PIP5K1B: variants seen among roughly 807,000 people sequenced by gnomAD.
The protein encoded by PIP5K1B is phosphatidylinositol-4-phosphate 5-kinase type 1 beta.
A neutral mutation model predicts 67.0 loss-of-function variants in PIP5K1B; 42 were observed. The ratio of observed to expected loss-of-function variants is 0.63; its 90% CI spans 0.49 to 0.81. PIP5K1B has a LOEUF of 0.81. PIP5K1B is among the 30% of genes least tolerant of loss of function. The pLI is 0.00. For synonymous variants in PIP5K1B, 214 were observed against 231.4 expected (o/e 0.92, Z 0.68); for missense variants, 459 against 646.3 (o/e 0.71, Z 3.14).
At chr9:68,925,742 A>G (rs557166049) in intron 12 of PIP5K1B, among the ~76,000 whole-genome samples, 1 of 147,224 alleles carries the variant, frequency 6.8e-6, no homozygotes, top group Non-Finnish European at 1.5e-5. Flanking sequence ...ATAGACTATA[A>G]GATAGTGTTT....
At chr9:68,993,769 G>T (rs748511844) in intron 15 of PIP5K1B, among the ~76,000 whole-genome samples, 3 of 152,156 alleles carry the variant, frequency 2.0e-5, no homozygotes, top group Admixed American at 1.3e-4. Flanking sequence ...CCACTTTCAT[G>T]TGTCTTTACA....
intron 14 of PIP5K1B, among the ~76,000 whole-genome samples, chr9:68,953,440 C>T (rs1017113873): frequency 1.3e-5 from 2 of 151,992 alleles, no homozygotes; most frequent in African/African-American, 4.8e-5. Flanking sequence ...TTGTAGTCTA[C>T]ATGTTCTATA....
At position 68,808,417 on chromosome 9, in the gene PIP5K1B, C is replaced by G. The variant is rs530631784; in HGVS notation, c.-85-10044C>G. On this transcript the variant is annotated intron_variant, in intron 2 of 15. Transcript: ENST00000265382. Reference sequence around the variant, plus strand: ...CCGACTCCCAGCTTCCCCACCACCCCGACACTATCACCAGATACACACAGA... The same window carrying G: ...CCGACTCCCAGCTTCCCCACCACCCGGACACTATCACCAGATACACACAGA... Among the ~76,000 whole-genome samples, 10 of 152,204 alleles carry G rather than the reference C, an allele frequency of 6.6e-5. No homozygotes were observed. The South Asian group carries it at 8.3e-4, about 13-fold the overall frequency.
chr9:68,850,916 T>G (rs1822453569), intron 4 of PIP5K1B, among the ~76,000 whole-genome samples: 1 of 152,218 alleles, frequency 6.6e-6, no homozygotes, highest in South Asian at 2.1e-4. Context: ...AAGTGTAATA[T>G]TTCTGAAAGA....
chr9:68,971,781 A>G (rs1455497886), intron 14 of PIP5K1B, among the ~76,000 whole-genome samples: 1 of 152,112 alleles, frequency 6.6e-6, no homozygotes, highest in Non-Finnish European at 1.5e-5. Flanking sequence ...TGGCTGCATA[A>G]ATGTCTTCTT....
chr9:68,940,966 G>GAAAA (rs1418743655), intron 14 of PIP5K1B, 176 bp downstream of exon 14: 9 of 704,050 alleles, frequency 1.3e-5, no homozygotes, highest in Non-Finnish European at 2.3e-5. Flanking sequence ...ACATTGGAGG[G>GAAAA]AAAACCCTCA....
intron 2 of PIP5K1B, among the ~76,000 whole-genome samples, chr9:68,770,691 A>C (rs1483465040): frequency 6.6e-6 from 1 of 152,196 alleles, no homozygotes; most frequent in African/African-American, 2.4e-5. Flanking sequence ...TGAGGGATCT[A>C]GGTTGCTCAC....
At chr9:68,712,770 C>T (rs1404469462) in intron 1 of PIP5K1B, among the ~76,000 whole-genome samples, 1 of 152,164 alleles carries the variant, frequency 6.6e-6, no homozygotes, top group African/African-American at 2.4e-5. Context: ...AACACTGTCT[C>T]TATTTAAAGA....
chr9:68,989,182 T>C (rs1293869796), intron 14 of PIP5K1B, among the ~76,000 whole-genome samples: 1 of 151,882 alleles, frequency 6.6e-6, no homozygotes. Flanking sequence ...CTTTTAATAT[T>C]TCACATATCT....
intron 8 of PIP5K1B, among the ~76,000 whole-genome samples, chr9:68,898,030 C>G (rs2132426346): frequency 6.6e-6 from 1 of 152,274 alleles, no homozygotes; most frequent in South Asian, 2.1e-4. Flanking sequence ...ACCATCTTCT[C>G]CTGGCATCCT....
intron 7 of PIP5K1B, 35 bp downstream of exon 7, chr9:68,889,168 A>G: frequency 3.3e-6 from 5 of 1,524,788 alleles, no homozygotes; most frequent in Non-Finnish European, 1.8e-6. Flanking sequence ...CTTCTACTTG[A>G]AGTTTAATTA....
rs960744486 is a variant in PIP5K1B, at chr9:68,707,358, C to G, written c.-243+1596C>G. On this transcript the variant is annotated intron_variant, in intron 1 of 15. Coordinates refer to ENST00000265382, the MANE Select transcript of PIP5K1B (RefSeq NM_003558.4). ...TCTTTTGAGTGTTCTCACCTAATTC[C>G]AAACATTTCTGAGGGAGGCAGGGCA... Among the ~76,000 whole-genome samples the G allele has an allele frequency of 3.3e-5, 5 of 152,120 alleles. No individual in the cohort carries two copies. In the East Asian group the frequency reaches 7.7e-4, roughly 23 times the overall value.
Position 68,757,522 on chromosome 9 carries a change from C to T in PIP5K1B, c.-86+14865C>T, listed in dbSNP as rs1246921556. ...AAAATGTGAGTTCCTACCTCTTTCT[C>T]TCTGAAAGAGTCGGTAGTGGAGGAT... On this transcript the variant is annotated intron_variant, in intron 2 of 15. Transcript: ENST00000265382. Among the ~76,000 whole-genome samples the T allele has an allele frequency of 3.9e-5, 6 of 152,182 alleles. No individual in the cohort carries two copies. The East Asian group carries it at 5.8e-4, about 15-fold the overall frequency.
intron 2 of PIP5K1B, chr9:68,789,126 G>C: frequency 3.5e-6 from 2 of 578,568 alleles, no homozygotes; most frequent in South Asian, 3.0e-5. Flanking sequence ...ATCAAAATAG[G>C]CCTCATTGTT....
intron 2 of PIP5K1B, chr9:68,781,132 C>A (rs907105395): frequency 7.0e-7 from 1 of 1,438,736 alleles, no homozygotes; most frequent in Non-Finnish European, 9.4e-7. Context: ...TCCTATTTGA[C>A]CCCTTTTCTT....
At chr9:68,780,326 G>A in intron 2 of PIP5K1B, 1 of 1,605,780 alleles carries the variant, frequency 6.2e-7, no homozygotes, top group Non-Finnish European at 8.5e-7. Context: ...TCCAGGCCGA[G>A]GCGCCGAGCG....
intron 8 of PIP5K1B, among the ~76,000 whole-genome samples, chr9:68,895,331 T>A (rs1347344387): frequency 6.6e-6 from 1 of 151,782 alleles, no homozygotes; most frequent in African/African-American, 2.4e-5. Flanking sequence ...AGATAAAAAT[T>A]TTTTTAGAGA....
chr9:68,879,098 A>C (rs1176008933), intron 6 of PIP5K1B, among the ~76,000 whole-genome samples: 5 of 152,262 alleles, frequency 3.3e-5, no homozygotes, highest in Non-Finnish European at 5.9e-5. Flanking sequence ...AAAGATTGAC[A>C]AGATATTTGA....
chr9:68,939,449 G>A (rs1827446014), intron 13 of PIP5K1B, among the ~76,000 whole-genome samples: 1 of 152,144 alleles, frequency 6.6e-6, no homozygotes, highest in Non-Finnish European at 1.5e-5. Context: ...GAGTTTTCAT[G>A]TTTTTCTTTC....
Sources: gnomAD v4.1 joint callset for allele counts (sites outside exome capture counted in the v4.1 genomes callset) on GRCh38, gnomAD v4.1.1 for gene constraint, MANE v1.5 for transcripts, NCBI Gene and HGNC (gene_info 2026-07-23, HGNC 2026-07-21) for gene names.